Variants in COL24A1 observed in about 807,000 individuals in gnomAD.
COL24A1 encodes the protein collagen type XXIV alpha 1 chain.
COL24A1 carries 224 observed loss-of-function variants against 253.9 expected under a neutral mutation model. The observed-to-expected ratio is 0.88, with a 90% CI of 0.79 to 0.99. The LOEUF is 0.99. Ranked by LOEUF, COL24A1 falls within the 50% of genes least tolerant of loss-of-function variation. The pLI is 0.00. For synonymous variants in COL24A1, 685 were observed against 673.7 expected (o/e 1.02, Z -0.26); for missense variants, 2,131 against 2,068.5 (o/e 1.03, Z -0.59).
At chr1:85,821,209 T>A (rs1673592542) in intron 45 of COL24A1, among the ~76,000 whole-genome samples, 1 of 152,194 alleles carries the variant, frequency 6.6e-6, no homozygotes, top group African/African-American at 2.4e-5. Flanking sequence ...TGCAATTGGT[T>A]TTGACTTGCT....
At chr1:85,977,764 C>G (rs947602839) in intron 20 of COL24A1, among the ~76,000 whole-genome samples, 1 of 152,126 alleles carries the variant, frequency 6.6e-6, no homozygotes, top group African/African-American at 2.4e-5. Flanking sequence ...AATTGGTGTT[C>G]CTGAGGCAGA....
intron 14 of COL24A1, among the ~76,000 whole-genome samples, chr1:86,026,767 A>G (rs935789807): frequency 3.3e-4 from 50 of 152,220 alleles, no homozygotes; most frequent in African/African-American, 1.2e-3. Context: ...GGTAACAGGC[A>G]GAGGCTGGAA....
chr1:86,018,702 T>C (rs1192014345), intron 18 of COL24A1, among the ~76,000 whole-genome samples: 1 of 152,220 alleles, frequency 6.6e-6, no homozygotes, highest in Non-Finnish European at 1.5e-5. Context: ...TTTTTCTTTA[T>C]AAAAGCTGAC....
At chr1:85,981,314 C>A (rs1162536524) in intron 20 of COL24A1, among the ~76,000 whole-genome samples, 1 of 152,106 alleles carries the variant, frequency 6.6e-6, no homozygotes, top group Non-Finnish European at 1.5e-5. Flanking sequence ...ATGGGCCAGA[C>A]AAGAGAACCC....
intron 3 of COL24A1, among the ~76,000 whole-genome samples, chr1:86,117,412 G>A (rs1310158178): frequency 3.9e-5 from 6 of 152,230 alleles, no homozygotes; most frequent in African/African-American, 1.4e-4. Flanking sequence ...AAACATGCCA[G>A]CACTTTGATC....
At chr1:85,935,661 C>A (rs1000286531) in intron 24 of COL24A1, among the ~76,000 whole-genome samples, 2 of 147,262 alleles carry the variant, frequency 1.4e-5, no homozygotes, top group African/African-American at 5.0e-5. Flanking sequence ...TTCTGTATCC[C>A]AGGCAGTAGG....
intron 47 of COL24A1, among the ~76,000 whole-genome samples, chr1:85,793,263 A>G (rs1445625466): frequency 6.6e-6 from 1 of 152,150 alleles, no homozygotes; most frequent in Non-Finnish European, 1.5e-5. Flanking sequence ...GGGTGCTTAC[A>G]GGGAGGTACA....
intron 5 of COL24A1, among the ~76,000 whole-genome samples, chr1:86,098,498 T>C (rs1357479564): frequency 6.6e-6 from 1 of 152,140 alleles, no homozygotes; most frequent in Non-Finnish European, 1.5e-5. Context: ...GCTGAAAGAA[T>C]TGAACATAAA....
intron 12 of COL24A1, chr1:86,045,902 C>T: frequency 2.3e-6 from 1 of 426,918 alleles, no homozygotes; most frequent in Non-Finnish European, 4.7e-6. Context: ...GAAGACAGAG[C>T]AGAAATATCT....
intron 5 of COL24A1, among the ~76,000 whole-genome samples, chr1:86,093,042 A>G (rs1027244193): frequency 3.9e-5 from 6 of 152,026 alleles, no homozygotes; most frequent in African/African-American, 1.4e-4. Flanking sequence ...TTAAAATTCA[A>G]ATTCTGATTT....
At chr1:85,930,406 G>T (rs1687701282) in intron 24 of COL24A1, among the ~76,000 whole-genome samples, 1 of 52,536 alleles carries the variant, frequency 1.9e-5, no homozygotes, top group Non-Finnish European at 3.6e-5. Flanking sequence ...TCTCTGAATA[G>T]ACCAATAACA....
chr1:85,969,604 C>CAAAAAAAAAAAAAA (rs61128567), intron 22 of COL24A1, among the ~76,000 whole-genome samples: 3 of 27,472 alleles, frequency 1.1e-4, no homozygotes, highest in East Asian at 1.8e-3. Context: ...GACTCTGTCT[C>CAAAAAAAAAAAAAA]AAAAAAAAAA....
intron 12 of COL24A1, among the ~76,000 whole-genome samples, chr1:86,039,432 T>C (rs1217096502): frequency 1.3e-5 from 2 of 152,154 alleles, no homozygotes; most frequent in African/African-American, 4.8e-5. Context: ...TAAATGTATA[T>C]AAAATAACTA....
chr1:85,773,056 A>G (rs958250114), intron 53 of COL24A1, among the ~76,000 whole-genome samples: 2 of 152,144 alleles, frequency 1.3e-5, no homozygotes, highest in African/African-American at 4.8e-5. Context: ...ATAAGGTGTA[A>G]GGAAGGGGTC....
chr1:85,961,228 A>T (rs767894334), intron 24 of COL24A1, 21 bp downstream of exon 24: 38 of 1,542,868 alleles, frequency 2.5e-5, no homozygotes, highest in Non-Finnish European at 3.1e-5. Context: ...ATTAAAAAAT[A>T]AGAGCATAAA....
At position 86,005,370 on chromosome 1, in the gene COL24A1, T is replaced by TA. The variant is rs1173733115; in HGVS notation, c.2310+11780dup. 2.7e-3 allele frequency among the ~76,000 whole-genome samples: 365 copies of TA among 136,440 alleles called. 1 individual carries two copies. The highest frequency in any genetic ancestry group is 4.3e-3 in the Non-Finnish European group (267 of 61,914). 89.5% of individuals were successfully genotyped at this position (136,440 alleles called of 152,430 possible). The stretch of plus-strand genomic sequence containing the variant: ...AAAAAGATCAGTAAGCTCCATAAAG[T>TA]AAAAAAAAAAAAGTCTCTGATCACC... On this transcript the variant is annotated intron_variant, in intron 19 of 59. Transcript: ENST00000370571.
chr1:85,809,546 T>C (rs942934297), intron 47 of COL24A1, among the ~76,000 whole-genome samples: 1 of 151,892 alleles, frequency 6.6e-6, no homozygotes, highest in Non-Finnish European at 1.5e-5. Context: ...GAATAATAGT[T>C]TGGGGGCACA....
intron 57 of COL24A1, among the ~76,000 whole-genome samples, chr1:85,742,292 C>T (rs149038218): frequency 1.3e-3 from 198 of 151,908 alleles, no homozygotes; most frequent in African/African-American, 4.4e-3. Flanking sequence ...CCACCACACC[C>T]GGCTAATTTT....
chr1:86,023,037 T>G (rs778372203), intron 14 of COL24A1, 30 bp from the exon 15 acceptor site: 14 of 1,601,006 alleles, frequency 8.7e-6, no homozygotes, highest in Admixed American at 8.4e-5. Context: ...AAATGCATCA[T>G]TAAGCATTCA....
Sources: allele counts gnomAD v4.1 joint callset (sites outside exome capture counted in the v4.1 genomes callset), GRCh38; gene constraint gnomAD v4.1.1; transcripts MANE v1.5; gene names NCBI Gene and HGNC (gene_info 2026-07-23, HGNC 2026-07-21).